CSMD1: variants seen among roughly 807,000 people sequenced by gnomAD.
The protein encoded by CSMD1 is CUB and sushi domain-containing protein 1.
Under a neutral mutation model 417.5 loss-of-function variants are expected in CSMD1, and 213 were observed. The ratio of observed to expected loss-of-function variants is 0.51; its 90% CI spans 0.46 to 0.57. The LOEUF (loss-of-function observed/expected upper bound fraction) is 0.57. Ranked by LOEUF, CSMD1 falls within the 20% of genes least tolerant of loss-of-function variation. The pLI is 0.00. For missense variants in CSMD1, 6,923 were observed against 4,529.7 expected, an observed-to-expected ratio of 1.53 and a Z score of -15.17; for synonymous variants, 2,862 against 1,736.8, an observed-to-expected ratio of 1.65 and a Z score of -16.11.
intron 26 of CSMD1, among the ~76,000 whole-genome samples, chr8:3,255,700 T>A (rs1800600087): frequency 6.6e-6 from 1 of 152,196 alleles, no homozygotes; most frequent in Middle Eastern, 3.2e-3. Flanking sequence ...GTGTGCCGTT[T>A]GCTAAGCCCA....
chr8:3,499,927 C>G (rs1378413244), intron 10 of CSMD1, among the ~76,000 whole-genome samples: 2 of 152,072 alleles, frequency 1.3e-5, no homozygotes, highest in South Asian at 4.2e-4. Flanking sequence ...GGTGTGAGTT[C>G]TCTCCCCGGA....
chr8:4,482,915 T>C (rs955423834), intron 2 of CSMD1, among the ~76,000 whole-genome samples: 2 of 152,196 alleles, frequency 1.3e-5, no homozygotes, highest in Non-Finnish European at 2.9e-5. Context: ...TCCAAATATA[T>C]TAATTTTTAG....
rs375956218 is a variant in CSMD1, at chr8:4,163,413, G to A, written c.416-131314C>T. ...AGCAATCTACATTGTTGGTGTTATG[G>A]ATTTTGGCCAATTTCTTTTTTCTTG... On this transcript the variant is annotated intron_variant, in intron 3 of 69. Coordinates refer to ENST00000635120, the MANE Select transcript of CSMD1 (RefSeq NM_033225.6). Among the ~76,000 whole-genome samples, 23 of 152,200 alleles carry A rather than the reference G, an allele frequency of 1.5e-4. No homozygotes were observed. The South Asian group carries it at 4.6e-3, about 30-fold the overall frequency.
intron 1 of CSMD1, among the ~76,000 whole-genome samples, chr8:4,880,856 G>T (rs991455560): frequency 6.6e-6 from 1 of 152,092 alleles, no homozygotes; most frequent in East Asian, 1.9e-4. Context: ...CCTGATCTAA[G>T]CTATTTAGTA....
At chr8:4,826,634 T>G (rs1026564684) in intron 1 of CSMD1, among the ~76,000 whole-genome samples, 1 of 152,180 alleles carries the variant, frequency 6.6e-6, no homozygotes, top group African/African-American at 2.4e-5. Flanking sequence ...GAGAAATTGC[T>G]GCAGGCACTT....
intron 1 of CSMD1, among the ~76,000 whole-genome samples, chr8:4,857,577 G>C (rs540791477): frequency 1.1e-4 from 17 of 152,088 alleles, no homozygotes; most frequent in African/African-American, 4.1e-4. Flanking sequence ...AATGATAAAG[G>C]GGATATCACC....
rs867416807 is a variant in CSMD1, at chr8:4,267,613, T to A, written c.415+152340A>T. Among the ~76,000 whole-genome samples the A allele has an allele frequency of 3.9e-5, 6 of 152,030 alleles. No individual in the cohort carries two copies. The South Asian group carries it at 8.3e-4, about 21-fold the overall frequency. On this transcript the variant is annotated intron_variant, in intron 3 of 69. Coordinates refer to ENST00000635120, the MANE Select transcript of CSMD1 (RefSeq NM_033225.6). ...CTTGGTTGGTAGAAAAAAATGGACA[T>A]TTATATTAAATATTAATAATTAAAT...
intron 25 of CSMD1, among the ~76,000 whole-genome samples, chr8:3,302,632 A>G (rs1804506567): frequency 6.6e-6 from 1 of 152,234 alleles, no homozygotes; most frequent in South Asian, 2.1e-4. Flanking sequence ...CTGTCTGAGA[A>G]TGCACTGAAT....
At chr8:3,117,453 G>C (rs1816938928) in intron 42 of CSMD1, among the ~76,000 whole-genome samples, 2 of 152,310 alleles carry the variant, frequency 1.3e-5, no homozygotes, top group South Asian at 4.1e-4. Context: ...AGCACAGCCA[G>C]ATGTCTTCCC....
chr8:3,523,422 C>A (rs774090644), intron 10 of CSMD1, among the ~76,000 whole-genome samples: 1 of 152,188 alleles, frequency 6.6e-6, no homozygotes, highest in African/African-American at 2.4e-5. Context: ...GCGTTTGCAA[C>A]CTAGATGCAG....
intron 3 of CSMD1, among the ~76,000 whole-genome samples, chr8:4,194,660 T>C (rs187353189): frequency 1.8e-4 from 27 of 152,246 alleles, no homozygotes; most frequent in Admixed American, 3.3e-4. Flanking sequence ...AATAAAAACA[T>C]TTAATAAAAT....
intron 5 of CSMD1, among the ~76,000 whole-genome samples, chr8:3,868,399 C>A (rs1479937263): frequency 1.3e-5 from 2 of 152,110 alleles, no homozygotes; most frequent in South Asian, 4.1e-4. Flanking sequence ...CCCTGCTGTG[C>A]AGATGGTCCA....
At chr8:3,154,465 A>T (rs1819394930) in intron 39 of CSMD1, among the ~76,000 whole-genome samples, 1 of 152,188 alleles carries the variant, frequency 6.6e-6, no homozygotes, top group Admixed American at 6.5e-5. Context: ...AAGGGAAAGG[A>T]GTTTATTTTT....
At chr8:4,114,617 A>G (rs1361448966) in intron 3 of CSMD1, among the ~76,000 whole-genome samples, 1 of 152,248 alleles carries the variant, frequency 6.6e-6, no homozygotes, top group Non-Finnish European at 1.5e-5. Context: ...CTTGGTCAAA[A>G]TAAATTGAAA....
chr8:3,965,654 G>A (rs772181990), intron 5 of CSMD1, among the ~76,000 whole-genome samples: 6 of 151,952 alleles, frequency 3.9e-5, no homozygotes, highest in Non-Finnish European at 8.8e-5. Flanking sequence ...GTCTCACCCT[G>A]TCGCCCAGGC....
At chr8:3,189,539 T>C (rs145356876) in intron 34 of CSMD1, among the ~76,000 whole-genome samples, 1 of 152,212 alleles carries the variant, frequency 6.6e-6, no homozygotes, top group Admixed American at 6.5e-5. Flanking sequence ...CATTTACCTA[T>C]TAATTTTCAA....
At chr8:2,964,779 G>A (rs1472971696) in intron 59 of CSMD1, among the ~76,000 whole-genome samples, 1 of 152,168 alleles carries the variant, frequency 6.6e-6, no homozygotes, top group Non-Finnish European at 1.5e-5. Flanking sequence ...ACTGGGAGAC[G>A]AAAGCAGGAT....
At chr8:3,678,087 T>G (rs1799472057) in intron 7 of CSMD1, among the ~76,000 whole-genome samples, 1 of 152,128 alleles carries the variant, frequency 6.6e-6, no homozygotes, top group Non-Finnish European at 1.5e-5. Context: ...ACAGCTCCAG[T>G]CTACAGCTCC....
intron 7 of CSMD1, among the ~76,000 whole-genome samples, chr8:3,664,272 G>C (rs1798568700): frequency 1.3e-5 from 2 of 152,084 alleles, no homozygotes; most frequent in African/African-American, 2.4e-5. Flanking sequence ...CTATGAGAGA[G>C]AACATGCGGT....
Sources: allele counts gnomAD v4.1 joint callset (sites outside exome capture counted in the v4.1 genomes callset), GRCh38; gene constraint gnomAD v4.1.1; transcripts MANE v1.5; gene names NCBI Gene and HGNC (gene_info 2026-07-23, HGNC 2026-07-21).